Variants in RFLNA observed in about 807,000 individuals in gnomAD.
RFLNA encodes the protein refilin A.
A neutral mutation model predicts 7.8 loss-of-function variants in RFLNA; 5 were observed. The observed-to-expected ratio is 0.64, with a 90% CI of 0.34 to 1.35. The LOEUF (loss-of-function observed/expected upper bound fraction) is 1.35, where lower values mean the gene tolerates loss of function less well. Among genes scored for constraint, RFLNA ranks in the 40% most tolerant of loss-of-function variants. The pLI is 0.04. For missense variants in RFLNA, 278 were observed against 305.5 expected (o/e 0.91, Z 0.67); for synonymous variants, 141 against 131.3 (o/e 1.07, Z -0.50).
chr12:124,311,815 C>A lies in RFLNA; in HGVS notation c.208-3C>A. 1 of 1,580,816 alleles carries A rather than the reference C, an allele frequency of 6.3e-7. No homozygotes were observed. On this transcript the variant is annotated splice_polypyrimidine_tract_variant and splice_region_variant and intron_variant, in intron 1 of 2. Transcript: ENST00000546355. ...AACCCCGTGTCCCTGGCTCTCCCCA[C>A]AGCCCCCCTCCCAACTCCCAAATCC...
intron 1 of RFLNA, among the ~76,000 whole-genome samples, chr12:124,307,085 G>A (rs2034149146): frequency 6.6e-6 from 1 of 152,214 alleles, no homozygotes; most frequent in South Asian, 2.1e-4. Flanking sequence ...TAGACGCTGG[G>A]GTGTAAGGGA....
At chr12:124,296,072 T>TTTTCTC (rs2033904337) in intron 1 of RFLNA, among the ~76,000 whole-genome samples, 1 of 94,652 alleles carries the variant, frequency 1.1e-5, no homozygotes, top group African/African-American at 4.9e-5. Flanking sequence ...TGTGAAAGCC[T>TTTTCTC]TTTCTTTCTT....
At chr12:124,301,803 C>T (rs1348179998) in intron 1 of RFLNA, among the ~76,000 whole-genome samples, 4 of 152,142 alleles carry the variant, frequency 2.6e-5, no homozygotes, top group African/African-American at 4.8e-5. Flanking sequence ...GTTGACGGCC[C>T]CCACTCTGTT....
At chr12:124,312,799 GACGCA>G (rs1395056533) in intron 2 of RFLNA, among the ~76,000 whole-genome samples, 5 of 688 alleles carry the variant, frequency 7.3e-3, no homozygotes, top group Non-Finnish European at 0.019. Flanking sequence ...CCATGCATAT[GACGCA>G]TATGACATCT....
chr12:124,294,181 GC>G (rs1400299954), upstream of RFLNA, among the ~76,000 whole-genome samples: 8 of 152,264 alleles, frequency 5.3e-5, no homozygotes, highest in African/African-American at 1.9e-4. Flanking sequence ...CCGGCTTCCC[GC>G]CCCTGATCTT....
In RFLNA at chr12:124,302,979, C is replaced by T. The variant is rs934655876; in HGVS notation, c.207+7343C>T. On this transcript the variant is annotated intron_variant, in intron 1 of 2. Coordinates refer to ENST00000546355, the MANE Select transcript of RFLNA (RefSeq NM_001365156.1). Reference sequence around the variant, plus strand: ...ATCCTGCTGTCTCCAGGAGCAGCAACGGGGGAGGGGGGGCTCTGGGTACCT... The same window carrying T: ...ATCCTGCTGTCTCCAGGAGCAGCAATGGGGGAGGGGGGGCTCTGGGTACCT... Among the ~76,000 whole-genome samples the T allele has an allele frequency of 9.9e-5, 15 of 151,978 alleles. 1 individual carries two copies. The highest frequency in any genetic ancestry group is 3.1e-4 in the African/African-American group (13 of 41,416).
chr12:124,305,784 A>C (rs1214844231), intron 1 of RFLNA, among the ~76,000 whole-genome samples: 1 of 152,190 alleles, frequency 6.6e-6, no homozygotes, highest in African/African-American at 2.4e-5. Flanking sequence ...CCTTTTGCAG[A>C]TATTCCCAGG....
intron 1 of RFLNA, among the ~76,000 whole-genome samples, chr12:124,297,494 C>G (rs1288302883): frequency 6.6e-6 from 1 of 152,132 alleles, no homozygotes; most frequent in Non-Finnish European, 1.5e-5. Flanking sequence ...TCACTATATT[C>G]CCATGAAGCC....
intron 1 of RFLNA, among the ~76,000 whole-genome samples, chr12:124,299,761 G>C (rs1251434637): frequency 6.6e-6 from 1 of 152,172 alleles, no homozygotes; most frequent in Non-Finnish European, 1.5e-5. Context: ...TGATTGATGG[G>C]CATTTGTCAG....
chr12:124,311,704 C>A, intron 1 of RFLNA, 114 bp from the exon 2 acceptor site: 1 of 1,042,050 alleles, frequency 9.6e-7, no homozygotes, highest in Non-Finnish European at 1.3e-6. Flanking sequence ...CACCAAGCAG[C>A]TTCCAGACCA....
rs1363893826 is a variant in RFLNA at position 124,314,545 on chromosome 12, G to A, written c.*20G>A. 2.9e-5 allele frequency: 45 copies of A among 1,551,392 alleles called. No individual in the cohort carries two copies. Among genetic ancestry groups the A allele is most frequent in the Non-Finnish European group, 3.7e-5 (43 of 1,154,838 alleles). On this transcript the variant is annotated 3_prime_UTR_variant, in exon 3 of 3. Transcript: ENST00000546355. ...CTCTGACGGGGCTGGGGCCGGCCCG[G>A]GGTGCTGGAGGAGCCGGGAGCCCTG...
At chr12:124,301,944 C>T (rs1305376146) in intron 1 of RFLNA, among the ~76,000 whole-genome samples, 3 of 152,152 alleles carry the variant, frequency 2.0e-5, no homozygotes, top group Non-Finnish European at 4.4e-5. Context: ...AGTCTGAAAT[C>T]GAGCTGACGG....
intron 1 of RFLNA, among the ~76,000 whole-genome samples, chr12:124,300,856 GTGGA>G (rs1274980923): frequency 2.1e-5 from 3 of 141,398 alleles, no homozygotes; most frequent in East Asian, 4.5e-4. Context: ...AGAAGAATGG[GTGGA>G]TGGATGGATG....
chr12:124,311,736 G>C (rs2034247108), intron 1 of RFLNA, 82 bp from the exon 2 acceptor site: 1 of 1,281,020 alleles, frequency 7.8e-7, no homozygotes, highest in South Asian at 1.7e-5. Flanking sequence ...GAGGGTGTCA[G>C]GTGGTCCTGT....
In RFLNA at chr12:124,314,870, G is replaced by A. The variant is rs118017259; in HGVS notation, c.*345G>A. ...TGCCCTTGAAGCAGAGAACAGCCCCGAGCAGTGTGAGGACAGAGGCATCCC... is the reference window on the plus strand; with the variant it reads ...TGCCCTTGAAGCAGAGAACAGCCCCAAGCAGTGTGAGGACAGAGGCATCCC... On this transcript the variant is annotated 3_prime_UTR_variant, in exon 3 of 3. Transcript: ENST00000546355. 8,928 of 447,098 alleles carry A rather than the reference G, an allele frequency of 0.02. 453 individuals are homozygous for A. The highest frequency in any genetic ancestry group is 0.098 in the South Asian group (5,337 of 54,344). 27.7% of individuals were successfully genotyped at this position (447,098 alleles called of 1,614,324 possible). A position where few individuals can be genotyped will look rare whatever the true frequency, so the allele number is the denominator to read the frequency against.
rs1395811845 is a variant in RFLNA, at chr12:124,315,385, T to G, written c.*860T>G. The G allele has an allele frequency of 6.6e-6, 1 of 152,282 alleles. No individual in the cohort carries two copies. The highest frequency in any genetic ancestry group is 1.9e-4 in the East Asian group (1 of 5,184). 9.4% of individuals were successfully genotyped at this position (152,282 alleles called of 1,614,324 possible). A position where few individuals can be genotyped will look rare whatever the true frequency, so the allele number is the denominator to read the frequency against. On this transcript the variant is annotated 3_prime_UTR_variant, in exon 3 of 3. Transcript: ENST00000546355. ...AAGTGCCCAGTGGAGGCGGTGAAGC[T>G]CTCGGAAATGCTGCCACCTGTGTGA...
chr12:124,300,561 AGGATGGAT>A (rs201196603), intron 1 of RFLNA, among the ~76,000 whole-genome samples: 1 of 151,556 alleles, frequency 6.6e-6, no homozygotes. Flanking sequence ...GGGGTTGGGA[AGGATGGAT>A]GGATGGATGG....
At chr12:124,311,301 C>CCCT (rs1463192302) in intron 1 of RFLNA, among the ~76,000 whole-genome samples, 3 of 106,304 alleles carry the variant, frequency 2.8e-5, no homozygotes, top group African/African-American at 8.0e-5. Context: ...CTGTGCCCCT[C>CCCT]GACAGGCCTG....
intron 1 of RFLNA, among the ~76,000 whole-genome samples, chr12:124,297,825 C>T (rs1382080756): frequency 6.6e-6 from 1 of 152,170 alleles, no homozygotes; most frequent in Non-Finnish European, 1.5e-5. Context: ...CCATGCCCAC[C>T]CACCCATCGC....
Sources: gnomAD v4.1 joint callset for allele counts (sites outside exome capture counted in the v4.1 genomes callset) on GRCh38, gnomAD v4.1.1 for gene constraint, MANE v1.5 for transcripts, NCBI Gene and HGNC (gene_info 2026-07-23, HGNC 2026-07-21) for gene names.